USH2A: variants seen among roughly 807,000 people sequenced by gnomAD.
USH2A encodes the protein Usher syndrome 2A (autosomal recessive, mild).
A neutral mutation model predicts 538.9 loss-of-function variants in USH2A; 443 were observed. The observed-to-expected ratio is 0.82, with a 90% CI of 0.76 to 0.89. The LOEUF (loss-of-function observed/expected upper bound fraction) is 0.89, where lower values mean the gene tolerates loss of function less well. USH2A is among the 40% of genes least tolerant of loss of function. USH2A has a pLI of 0.00. For synonymous variants in USH2A, 2,413 were observed against 2,273.5 expected, an observed-to-expected ratio of 1.06 and a Z score of -1.75; for missense variants, 6,633 against 6,324.8, an observed-to-expected ratio of 1.05 and a Z score of -1.65.
intron 22 of USH2A, among the ~76,000 whole-genome samples, chr1:216,093,370 TGACGAG>T (rs1338253515): frequency 6.6e-6 from 1 of 152,148 alleles, no homozygotes; most frequent in Non-Finnish European, 1.5e-5. Flanking sequence ...CTAATAGCAG[TGACGAG>T]TACTCTAAGC....
chr1:216,243,502 G>A (rs571340622), intron 13 of USH2A, among the ~76,000 whole-genome samples: 2 of 152,238 alleles, frequency 1.3e-5, no homozygotes, highest in South Asian at 4.1e-4. Context: ...TTCAGATAGA[G>A]CATCTATTTG....
chr1:216,278,419 A>C (rs936144065), intron 11 of USH2A, among the ~76,000 whole-genome samples: 1 of 152,128 alleles, frequency 6.6e-6, no homozygotes, highest in African/African-American at 2.4e-5. Flanking sequence ...TTTCCCATTT[A>C]TACCCCAGGA....
chr1:215,966,854 T>A (rs949659879), intron 36 of USH2A, among the ~76,000 whole-genome samples: 23 of 152,230 alleles, frequency 1.5e-4, no homozygotes, highest in African/African-American at 5.5e-4. Context: ...CAATTCCAGA[T>A]AATTATATTA....
chr1:215,758,892 C>A (rs1208231262), intron 57 of USH2A, 140 bp from the exon 58 acceptor site: 11 of 886,676 alleles, frequency 1.2e-5, no homozygotes, highest in Non-Finnish European at 1.8e-6. Flanking sequence ...AGAAACTTGA[C>A]TTGGTAGTTT....
intron 45 of USH2A, among the ~76,000 whole-genome samples, chr1:215,845,466 C>T (rs1294534046): frequency 1.3e-5 from 2 of 152,030 alleles, no homozygotes; most frequent in East Asian, 3.9e-4. Flanking sequence ...GGAGGGCTCT[C>T]ACTGTGTTTG....
chr1:215,941,332 GAA>G (rs1347484582), intron 37 of USH2A, among the ~76,000 whole-genome samples: 1 of 152,030 alleles, frequency 6.6e-6, no homozygotes, highest in East Asian at 1.9e-4. Context: ...TAAACACACA[GAA>G]AGAGAGAGAG....
chr1:216,107,152 T>C (rs1304635528), intron 21 of USH2A, among the ~76,000 whole-genome samples: 2 of 152,020 alleles, frequency 1.3e-5, no homozygotes, highest in Non-Finnish European at 3.0e-5. Flanking sequence ...CACTGAAGTT[T>C]GTTGATAGTG....
At chr1:216,300,507 T>G (rs1450081674) in intron 9 of USH2A, among the ~76,000 whole-genome samples, 1 of 152,182 alleles carries the variant, frequency 6.6e-6, no homozygotes, top group African/African-American at 2.4e-5. Context: ...CCAAATACTT[T>G]GACATGTTCA....
At chr1:216,119,494 A>G (rs1288736755) in intron 21 of USH2A, among the ~76,000 whole-genome samples, 1 of 151,926 alleles carries the variant, frequency 6.6e-6, no homozygotes, top group Non-Finnish European at 1.5e-5. Flanking sequence ...TACTAAATGT[A>G]AAGACCAATT....
At chr1:215,916,455 C>CT (rs1404112545) in intron 38 of USH2A, among the ~76,000 whole-genome samples, 1 of 152,038 alleles carries the variant, frequency 6.6e-6, no homozygotes, top group Non-Finnish European at 1.5e-5. Flanking sequence ...TTATCTTGGT[C>CT]TTTCACGTAC....
intron 38 of USH2A, among the ~76,000 whole-genome samples, chr1:215,920,598 C>G (rs915413274): frequency 6.6e-6 from 1 of 151,904 alleles, no homozygotes; most frequent in African/African-American, 2.4e-5. Flanking sequence ...ATTATGAAAC[C>G]CCTTCCCAGA....
chr1:216,145,290 G>T (rs2033674273), intron 21 of USH2A, among the ~76,000 whole-genome samples: 1 of 152,162 alleles, frequency 6.6e-6, no homozygotes, highest in African/African-American at 2.4e-5. Flanking sequence ...AACTAGCTGT[G>T]ATCAGTACAG....
At chr1:215,657,996 T>C (rs542381469) in intron 64 of USH2A, among the ~76,000 whole-genome samples, 37 of 148,068 alleles carry the variant, frequency 2.5e-4, no homozygotes, top group Non-Finnish European at 4.2e-4. Context: ...TGCAGTGGCG[T>C]GATCTCGGCT....
chr1:216,190,603 T>C (rs924221553), intron 19 of USH2A, among the ~76,000 whole-genome samples: 1 of 151,140 alleles, frequency 6.6e-6, no homozygotes, highest in African/African-American at 2.4e-5. Flanking sequence ...AGTGGATAAA[T>C]GAGAAAACCA....
At chr1:216,287,834 C>T (rs967741502) in intron 11 of USH2A, among the ~76,000 whole-genome samples, 1 of 152,128 alleles carries the variant, frequency 6.6e-6, no homozygotes, top group South Asian at 2.1e-4. Context: ...TGAAAATTTA[C>T]ATAATGCTCA....
chr1:216,284,095 A>C (rs942068663), intron 11 of USH2A, among the ~76,000 whole-genome samples: 1 of 152,066 alleles, frequency 6.6e-6, no homozygotes, highest in African/African-American at 2.4e-5. Flanking sequence ...CTCTCTCTAT[A>C]TATATACATA....
intron 70 of USH2A, among the ~76,000 whole-genome samples, chr1:215,630,482 G>GCA (rs1656234724): frequency 8.9e-5 from 2 of 22,552 alleles, no homozygotes; most frequent in Non-Finnish European, 3.0e-4. Flanking sequence ...ATGTGTGTGT[G>GCA]TATATATATA....
chr1:216,240,735 G>T (rs570417224), intron 13 of USH2A, among the ~76,000 whole-genome samples: 2 of 151,992 alleles, frequency 1.3e-5, no homozygotes, highest in African/African-American at 4.8e-5. Flanking sequence ...TTCTTTTTCA[G>T]AAGCTACTAG....
chr1:215,639,343 C>A, intron 68 of USH2A, 105 bp from the exon 69 acceptor site: 1 of 1,080,188 alleles, frequency 9.3e-7, no homozygotes, highest in Non-Finnish European at 1.4e-6. Context: ...AATAGGATTC[C>A]AAAGCAAGTT....
Sources: allele counts gnomAD v4.1 joint callset (sites outside exome capture counted in the v4.1 genomes callset), GRCh38; gene constraint gnomAD v4.1.1; transcripts MANE v1.5; gene names NCBI Gene and HGNC (gene_info 2026-07-23, HGNC 2026-07-21).